STAG1: variants seen among roughly 807,000 people sequenced by gnomAD.
STAG1 encodes cohesin subunit SA-1.
In STAG1, 26 loss-of-function variants were observed where a neutral mutation model predicts 170.9. The ratio of observed to expected loss-of-function variants is 0.15; its 90% confidence interval spans 0.11 to 0.21. STAG1 has a LOEUF of 0.21. Among genes scored for constraint, STAG1 ranks in the 10% least tolerant of loss-of-function variants. The pLI is 1.00. For missense variants in STAG1, 964 were observed against 1,509.5 expected, an observed-to-expected ratio of 0.64 and a Z score of 5.99; for synonymous variants, 514 against 497.7, an observed-to-expected ratio of 1.03 and a Z score of -0.44.
chr3:136,417,639 A>G (rs1207250439), intron 21 of STAG1: 3 of 376,336 alleles, frequency 8.0e-6, no homozygotes, highest in Non-Finnish European at 1.4e-5. Flanking sequence ...CCTAATAGAG[A>G]AAAGTCTACC....
At chr3:136,554,039 G>GA (rs961316501) in intron 5 of STAG1, among the ~76,000 whole-genome samples, 47 of 148,094 alleles carry the variant, frequency 3.2e-4, no homozygotes, top group African/African-American at 6.4e-4. Context: ...ACAATAAAAG[G>GA]AAAAAAAAAT....
chr3:136,673,736 T>C (rs559364931), intron 1 of STAG1, among the ~76,000 whole-genome samples: 2 of 152,284 alleles, frequency 1.3e-5, no homozygotes, highest in Admixed American at 1.3e-4. Flanking sequence ...ATGAAAGACA[T>C]GGTTATAACA....
At chr3:136,475,108 G>C (rs1268076103) in intron 10 of STAG1, among the ~76,000 whole-genome samples, 1 of 131,322 alleles carries the variant, frequency 7.6e-6, no homozygotes, top group East Asian at 2.2e-4. Context: ...TTCCTGCTTT[G>C]TCATACTTTC....
chr3:136,578,044 TTCC>T (rs1245204403), intron 4 of STAG1, among the ~76,000 whole-genome samples: 2 of 152,188 alleles, frequency 1.3e-5, no homozygotes, highest in Non-Finnish European at 2.9e-5. Flanking sequence ...TGCAGCCCCA[TTCC>T]TCAACTATGC....
In STAG1 at chr3:136,500,243, A is replaced by G. The variant is rs114980494; in HGVS notation, c.882T>C (p.Gly294=). Residue 294 remains glycine, a synonymous_variant, in exon 9 of 34, where the codon GGT becomes GGC. Coordinates refer to ENST00000383202, the MANE Select transcript of STAG1 (RefSeq NM_005862.3). ...CTTACCGGTATCTATGAACAAATAT[A>G]CCCTTAAAAATAGAGTTCATCATAT... is the stretch of plus-strand genomic sequence containing the variant. ...IENMMNSIFK[G]IFVHRYRDAI... is the part of the protein sequence containing the mutation. 6,566 of 1,581,614 alleles carry G rather than the reference A, an allele frequency of 4.2e-3. 12 individuals carry two copies. Among genetic ancestry groups the G allele is most frequent in the Non-Finnish European group, 4.9e-3 (5,678 of 1,158,012 alleles).
intron 14 of STAG1, among the ~76,000 whole-genome samples, chr3:136,446,994 G>C (rs1028922563): frequency 2.0e-5 from 3 of 149,444 alleles, no homozygotes; most frequent in Non-Finnish European, 4.5e-5. Context: ...AGTTGAGACT[G>C]TGTTTTACTA....
At chr3:136,446,462 G>A (rs983199366) in intron 14 of STAG1, among the ~76,000 whole-genome samples, 3 of 151,392 alleles carry the variant, frequency 2.0e-5, no homozygotes, top group East Asian at 1.9e-4. Context: ...TCACTCTGTC[G>A]CCCAGCCTGG....
chr3:136,669,044 T>C (rs1370403312), intron 1 of STAG1, among the ~76,000 whole-genome samples: 2 of 152,242 alleles, frequency 1.3e-5, no homozygotes, highest in Non-Finnish European at 2.9e-5. Context: ...AGGTTTTCTA[T>C]TACAATCCCT....
chr3:136,383,526 A>C (rs1233729441), intron 22 of STAG1, among the ~76,000 whole-genome samples: 2 of 152,214 alleles, frequency 1.3e-5, no homozygotes, highest in Non-Finnish European at 2.9e-5. Flanking sequence ...TCTGGGCCAG[A>C]ATACAATAAT....
At chr3:136,477,454 A>C in intron 9 of STAG1, 42 bp from the exon 10 acceptor site, 1 of 1,533,202 alleles carries the variant, frequency 6.5e-7, no homozygotes, top group Non-Finnish European at 8.8e-7. Flanking sequence ...TAATATACAA[A>C]GCTAGAATGC....
intron 9 of STAG1, among the ~76,000 whole-genome samples, chr3:136,485,523 T>C (rs1053908472): frequency 6.6e-6 from 1 of 152,152 alleles, no homozygotes; most frequent in African/African-American, 2.4e-5. Context: ...ATACTGAACA[T>C]GCGTGGGACA....
At chr3:136,699,732 C>T (rs940036123) in intron 1 of STAG1, among the ~76,000 whole-genome samples, 12 of 151,936 alleles carry the variant, frequency 7.9e-5, no homozygotes, top group Non-Finnish European at 1.6e-4. Context: ...TATCAGGACA[C>T]ATCCTTTGTG....
Position 136,338,124 on chromosome 3 carries a change from G to T in STAG1, c.*130C>A. 1 of 653,392 alleles carries T rather than the reference G, an allele frequency of 1.5e-6. No homozygotes were observed. Among genetic ancestry groups the T allele is most frequent in the Non-Finnish European group, 2.7e-6 (1 of 368,694 alleles). 40.5% of individuals were successfully genotyped at this position (653,392 alleles called of 1,614,324 possible). On this transcript the variant is annotated 3_prime_UTR_variant, in exon 34 of 34. Transcript: ENST00000383202. ...TCTTCTGTCACTGCAAAAAGGGATT[G>T]ACCTTAATCATTTGATTAAAAAACA...
At chr3:136,584,242 G>A (rs1196325686) in intron 4 of STAG1, among the ~76,000 whole-genome samples, 1 of 152,212 alleles carries the variant, frequency 6.6e-6, no homozygotes, top group East Asian at 1.9e-4. Context: ...ATCTGGACTG[G>A]ACACAATAAA....
intron 6 of STAG1, among the ~76,000 whole-genome samples, chr3:136,527,612 G>A (rs1935111044): frequency 6.6e-6 from 1 of 152,116 alleles, no homozygotes; most frequent in African/African-American, 2.4e-5. Flanking sequence ...CTCCCGCTTT[G>A]TTCCGTTACT....
At chr3:136,490,305 G>A (rs1054037269) in intron 9 of STAG1, among the ~76,000 whole-genome samples, 27 of 152,132 alleles carry the variant, frequency 1.8e-4, no homozygotes, top group South Asian at 6.2e-4. Context: ...TGGGATTACA[G>A]GTGTGAGCTA....
chr3:136,346,876 A>C (rs1936242292), intron 29 of STAG1, among the ~76,000 whole-genome samples: 1 of 152,206 alleles, frequency 6.6e-6, no homozygotes, highest in African/African-American at 2.4e-5. Context: ...AGGCATGTGG[A>C]TCGCTTGAGT....
At chr3:136,751,181 T>TG (rs1559990177) in intron 1 of STAG1, among the ~76,000 whole-genome samples, 1 of 147,432 alleles carries the variant, frequency 6.8e-6, no homozygotes. Context: ...CGTTTTTTTT[T>TG]TTTGTTTTTT....
At chr3:136,619,306 T>C (rs548064149) in intron 3 of STAG1, among the ~76,000 whole-genome samples, 20 of 148,658 alleles carry the variant, frequency 1.3e-4, no homozygotes, top group Non-Finnish European at 5.9e-5. Flanking sequence ...CACTAGTAAA[T>C]AGCAGAAGAC....
Sources: gnomAD v4.1 joint callset for allele counts (sites outside exome capture counted in the v4.1 genomes callset) on GRCh38, gnomAD v4.1.1 for gene constraint, MANE v1.5 for transcripts, NCBI Gene and HGNC (gene_info 2026-07-23, HGNC 2026-07-21) for gene names.